PRKDC: variants seen among roughly 807,000 people sequenced by gnomAD.
PRKDC encodes DNA-dependent protein kinase catalytic subunit.
A neutral mutation model predicts 486.9 loss-of-function variants in PRKDC; 82 were observed. The observed-to-expected ratio is 0.17, with a 90% CI of 0.14 to 0.20. PRKDC has a LOEUF of 0.20. Among genes scored for constraint, PRKDC ranks in the 10% least tolerant of loss-of-function variants. The pLI is 1.00. For missense variants in PRKDC, 4,504 were observed against 5,038.2 expected, an observed-to-expected ratio of 0.89 and a Z score of 3.21; for synonymous variants, 1,895 against 1,837.0, an observed-to-expected ratio of 1.03 and a Z score of -0.81.
chr8:47,804,295 A>G (rs1044499848), intron 69 of PRKDC, among the ~76,000 whole-genome samples: 10 of 141,666 alleles, frequency 7.1e-5, no homozygotes, highest in African/African-American at 2.3e-4. Context: ...CGGACATGCC[A>G]CTTTTTTTTT....
At chr8:47,896,693 AGCACACCCATCTAACCTGAG>A (rs1011439970) in intron 30 of PRKDC, among the ~76,000 whole-genome samples, 3 of 151,076 alleles carry the variant, frequency 2.0e-5, no homozygotes, top group African/African-American at 7.3e-5. Flanking sequence ...CCAAGGAACC[AGCACACCCATCTAACCTGAG>A]GCACTCTCCA....
intron 21 of PRKDC, among the ~76,000 whole-genome samples, chr8:47,918,786 C>A (rs1019522704): frequency 2.0e-5 from 3 of 152,106 alleles, no homozygotes; most frequent in African/African-American, 7.2e-5. Flanking sequence ...AAAATTGTTT[C>A]TTGCAGTAGA....
chr8:47,812,442 C>T (rs1429504973), intron 68 of PRKDC, among the ~76,000 whole-genome samples: 22 of 152,008 alleles, frequency 1.4e-4, no homozygotes, highest in Admixed American at 1.4e-3. Flanking sequence ...TGTTTTCTGA[C>T]CACAGTGGAA....
At chr8:47,948,453 G>A (rs1405023732) in intron 7 of PRKDC, among the ~76,000 whole-genome samples, 2 of 145,028 alleles carry the variant, frequency 1.4e-5, no homozygotes, top group Non-Finnish European at 3.0e-5. Flanking sequence ...TATTTCCTGG[G>A]TGCCTTGTTT....
chr8:47,835,129 T>C (rs546744754), intron 58 of PRKDC, among the ~76,000 whole-genome samples: 1 of 152,324 alleles, frequency 6.6e-6, no homozygotes, highest in South Asian at 2.1e-4. Context: ...TTAAGATATG[T>C]TACTCTACAA....
chr8:47,791,273 G>A (rs1205077151), intron 74 of PRKDC, among the ~76,000 whole-genome samples: 2 of 152,136 alleles, frequency 1.3e-5, no homozygotes, highest in Admixed American at 6.5e-5. Flanking sequence ...TCAGGCGTTC[G>A]AGACCAGCCT....
chr8:47,825,023 C>T (rs1414932685), intron 63 of PRKDC, among the ~76,000 whole-genome samples: 1 of 152,100 alleles, frequency 6.6e-6, no homozygotes, highest in Non-Finnish European at 1.5e-5. Flanking sequence ...TCTCTTATTG[C>T]CCTGATTACA....
chr8:47,819,390 G>A lies in PRKDC; in HGVS notation c.9445+12C>T. 6.8e-7 allele frequency: 1 copy of A among 1,464,108 alleles called. No individual in the cohort carries two copies. The highest frequency in any genetic ancestry group is 2.5e-5 in the Admixed American group (1 of 40,488). 90.7% of individuals were successfully genotyped at this position (1,464,108 alleles called of 1,614,324 possible). A position where few individuals can be genotyped will look rare whatever the true frequency, so the allele number is the denominator to read the frequency against. On this transcript the variant is annotated intron_variant, in intron 67 of 85. Transcript: ENST00000314191. ...TTAGAAATGAAAAAAAAAGACCGAT[G>A]AAAAAAATTACCTTGTTTGCTTATA...
chr8:47,782,760 T>A lies in PRKDC; in HGVS notation c.11176-162A>T. The A allele has an allele frequency of 1.5e-6, 1 of 656,706 alleles. No homozygotes were observed. The highest frequency in any genetic ancestry group is 2.6e-6 in the Non-Finnish European group (1 of 386,586). 40.7% of individuals were successfully genotyped at this position (656,706 alleles called of 1,614,324 possible). ...CAGCAACGAATTTCTGCTACCTGCT[T>A]GTGCCTGACTGCTGTGCCCGCAGAA... On this transcript the variant is annotated intron_variant, in intron 78 of 85. Coordinates refer to ENST00000314191, the MANE Select transcript of PRKDC (RefSeq NM_006904.7). This position sits in a 1 kb window ranked among gnomAD's most constrained non-coding sequence, Gnocchi z 4.9.
At chr8:47,932,727 A>G (rs1286582809) in intron 16 of PRKDC, among the ~76,000 whole-genome samples, 1 of 152,154 alleles carries the variant, frequency 6.6e-6, no homozygotes, top group Non-Finnish European at 1.5e-5. Flanking sequence ...ATAAAATAAG[A>G]TTTCTGTCAC....
chr8:47,923,026 T>G (rs2090097394), intron 21 of PRKDC, among the ~76,000 whole-genome samples: 1 of 152,122 alleles, frequency 6.6e-6, no homozygotes, highest in Non-Finnish European at 1.5e-5. Flanking sequence ...CTTCTTTGGT[T>G]TACTGATCAA....
intron 8 of PRKDC, 39 bp from the exon 9 acceptor site, chr8:47,943,922 A>T: frequency 6.4e-7 from 1 of 1,570,190 alleles, no homozygotes; most frequent in East Asian, 2.3e-5. Context: ...AGTATTTGAA[A>T]GTCTGCACTG....
intron 38 of PRKDC, 79 bp downstream of exon 38, chr8:47,881,337 A>T: frequency 1.1e-6 from 1 of 916,326 alleles, no homozygotes; most frequent in Non-Finnish European, 1.7e-6. Context: ...TCCATAATAA[A>T]AAATAAAAAA....
At chr8:47,810,814 G>T (rs1473032099) in intron 68 of PRKDC, among the ~76,000 whole-genome samples, 2 of 152,062 alleles carry the variant, frequency 1.3e-5, no homozygotes, top group African/African-American at 2.4e-5. Context: ...AGACTTACTA[G>T]AAGAACAAGT....
chr8:47,839,058 A>T, intron 56 of PRKDC, 90 bp downstream of exon 56: 2 of 977,456 alleles, frequency 2.0e-6, no homozygotes, highest in Non-Finnish European at 3.1e-6. Flanking sequence ...TACTGCAAAT[A>T]CATTTCTAAA....
intron 80 of PRKDC, among the ~76,000 whole-genome samples, chr8:47,781,903 A>C (rs1457782218): frequency 2.0e-5 from 3 of 152,260 alleles, no homozygotes; most frequent in Non-Finnish European, 4.4e-5. Flanking sequence ...ACTACATGTT[A>C]TCTGATAATT....
intron 40 of PRKDC, among the ~76,000 whole-genome samples, chr8:47,873,189 T>C (rs2088997750): frequency 7.4e-6 from 1 of 135,302 alleles, no homozygotes; most frequent in African/African-American, 2.8e-5. Context: ...CACTGTTAGG[T>C]ATACACACAG....
At position 47,929,991 on chromosome 8, in the gene PRKDC, T is replaced by C. The variant is rs763175967; in HGVS notation, c.1914A>G (p.Gln638=). 10 of 1,606,716 alleles carry C rather than the reference T, an allele frequency of 6.2e-6. No homozygotes were observed. The highest frequency in any genetic ancestry group is 8.5e-6 in the Non-Finnish European group (10 of 1,177,884). ...ACACCCATGGTTCAAAAAATTCTGCTTGTTTCTCAGGGAGAATCTCTCTGT... is the reference window on the plus strand; with the variant it reads ...ACACCCATGGTTCAAAAAATTCTGCCTGTTTCTCAGGGAGAATCTCTCTGT... ...EFCREILPEK[Q]AEFFEPWVYS... is the part of the protein sequence containing the mutation. The change falls in exon 18 of 86, where the codon CAA becomes CAG. Residue 638 remains glutamine, a synonymous_variant. Coordinates refer to ENST00000314191, the MANE Select transcript of PRKDC (RefSeq NM_006904.7).
Position 47,836,406 on chromosome 8 carries a change from C to T in PRKDC, c.7883G>A (p.Arg2628His), listed in dbSNP as rs572835600. 6 of 1,611,500 alleles carry T rather than the reference C, an allele frequency of 3.7e-6. No homozygotes were observed. Among genetic ancestry groups the T allele is most frequent in the South Asian group, 1.1e-5 (1 of 90,738 alleles). ...TRTQEGSLSA[R>H]WPVAGQIRAT... ...CCTTATCTGCCCTGCCACTGGCCAG[C>T]GAGCTGAGAGGGACCCTTCCTGGGT... Residue 2628 changes from arginine to histidine, a missense_variant, in exon 58 of 86, where the codon CGC (arginine) becomes CAC (histidine). Transcript: ENST00000314191.
Sources: gnomAD v4.1 joint callset for allele counts (sites outside exome capture counted in the v4.1 genomes callset) on GRCh38, gnomAD v4.1.1 for gene constraint, Gnocchi (gnomAD v3.1) non-coding constraint, MANE v1.5 for transcripts, NCBI Gene and HGNC (gene_info 2026-07-23, HGNC 2026-07-21) for gene names.